Variants in MYOCD observed in about 807,000 individuals in gnomAD.
The protein encoded by MYOCD is myocardin.
Under a neutral mutation model 96.1 loss-of-function variants are expected in MYOCD, and 32 were observed. That is an observed-to-expected ratio of 0.33 (90% CI 0.25 to 0.45). The LOEUF (loss-of-function observed/expected upper bound fraction) is 0.45. Among genes scored for constraint, MYOCD ranks in the 20% least tolerant of loss-of-function variants. The pLI is 1.00. For synonymous variants in MYOCD, 469 were observed against 469.0 expected (o/e 1.00, Z 0.00); for missense variants, 1,133 against 1,200.6 (o/e 0.94, Z 0.83).
Position 12,763,085 on chromosome 17 carries a change from A to G in MYOCD, c.2402A>G (p.Asp801Gly), listed in dbSNP as rs374301549. ...VLIESGEMPA[D>G]AREDHSCLQK... Reference sequence around the variant, plus strand: ...GTATTGCCCACAGAAATGCCAGCAGACGCTAGAGAGGATCACTCATGTCTT... The same window carrying G: ...GTATTGCCCACAGAAATGCCAGCAGGCGCTAGAGAGGATCACTCATGTCTT... The change falls in exon 14 of 14, where the codon GAC (aspartate) becomes GGC (glycine). Residue 801 changes from aspartate to glycine, a missense_variant. Transcript: ENST00000425538. The G allele has an allele frequency of 3.2e-5, 51 of 1,605,582 alleles. No individual in the cohort carries two copies. Among genetic ancestry groups the G allele is most frequent in the Non-Finnish European group, 3.9e-5 (46 of 1,176,948 alleles).
chr17:12,715,487 C>G (rs1244521311), intron 2 of MYOCD, 32 bp from the exon 3 acceptor site: 10 of 1,604,054 alleles, frequency 6.2e-6, no homozygotes, highest in Non-Finnish European at 8.5e-6. Context: ...CTTAACCCAG[C>G]CTCCACTCAC....
intron 1 of MYOCD, among the ~76,000 whole-genome samples, chr17:12,697,967 G>A (rs116297410): frequency 0.011 from 1,737 of 152,168 alleles, 27 homozygotes; most frequent in African/African-American, 0.039. Flanking sequence ...ACCAAATTCC[G>A]TATGCAGGGA....
intron 2 of MYOCD, among the ~76,000 whole-genome samples, chr17:12,715,182 C>G (rs1359914335): frequency 1.3e-5 from 2 of 152,176 alleles, no homozygotes; most frequent in Non-Finnish European, 2.9e-5. Flanking sequence ...AAGTCTACAC[C>G]TCTCCCTCAA....
chr17:12,743,004 ATCTTTTATAG>A (rs2032558439), intron 7 of MYOCD, among the ~76,000 whole-genome samples: 1 of 152,160 alleles, frequency 6.6e-6, no homozygotes, highest in Admixed American at 6.5e-5. Context: ...TTTCAATATT[ATCTTTTATAG>A]TCTTTATATT....
At chr17:12,689,031 A>G (rs1286316254) in intron 1 of MYOCD, among the ~76,000 whole-genome samples, 2 of 152,214 alleles carry the variant, frequency 1.3e-5, no homozygotes, top group Non-Finnish European at 2.9e-5. Context: ...AAATTAAAAA[A>G]TAAACTTTGT....
intron 1 of MYOCD, 21 bp from the exon 2 acceptor site, chr17:12,705,107 A>G: frequency 1.3e-6 from 2 of 1,581,328 alleles, no homozygotes; most frequent in Non-Finnish European, 8.7e-7. Context: ...CAACTCACAA[A>G]CTAACACTCC....
At chr17:12,742,919 C>T (rs1331160877) in intron 7 of MYOCD, among the ~76,000 whole-genome samples, 1 of 152,090 alleles carries the variant, frequency 6.6e-6, no homozygotes, top group Non-Finnish European at 1.5e-5. Flanking sequence ...CCCATTCCTT[C>T]CTAATATACA....
chr17:12,693,569 C>T (rs2030574096), intron 1 of MYOCD, among the ~76,000 whole-genome samples: 1 of 150,538 alleles, frequency 6.6e-6, no homozygotes, highest in Non-Finnish European at 1.5e-5. Flanking sequence ...AAGATTGTGC[C>T]ATTGCATTCC....
chr17:12,756,656 A>G (rs1174354194), intron 11 of MYOCD, 99 bp downstream of exon 11: 6 of 915,840 alleles, frequency 6.6e-6, no homozygotes, highest in Admixed American at 6.0e-5. Context: ...AGATCGCACC[A>G]CTGCACTCCA....
intron 7 of MYOCD, among the ~76,000 whole-genome samples, chr17:12,741,456 C>T (rs2032505312): frequency 6.6e-6 from 1 of 152,096 alleles, no homozygotes; most frequent in Admixed American, 6.6e-5. Flanking sequence ...GCCTGTAATC[C>T]CAGCACTTTG....
intron 1 of MYOCD, among the ~76,000 whole-genome samples, chr17:12,674,078 C>A (rs1187390343): frequency 6.6e-6 from 1 of 152,122 alleles, no homozygotes; most frequent in Non-Finnish European, 1.5e-5. Flanking sequence ...TCTGTGGGCA[C>A]CTTTATCATC....
intron 3 of MYOCD, 82 bp downstream of exon 3, chr17:12,715,656 G>A: frequency 9.2e-7 from 1 of 1,091,622 alleles, no homozygotes; most frequent in Non-Finnish European, 1.4e-6. Context: ...GATGCGTGTA[G>A]AATTCCTACA....
At chr17:12,759,384 T>A (rs1213621927) in intron 12 of MYOCD, among the ~76,000 whole-genome samples, 3 of 152,334 alleles carry the variant, frequency 2.0e-5, no homozygotes, top group Admixed American at 2.0e-4. Flanking sequence ...ACAGCTATGC[T>A]CTGCTCTCTG....
chr17:12,704,860 G>A, intron 1 of MYOCD: 1 of 393,962 alleles, frequency 2.5e-6, no homozygotes, highest in Non-Finnish European at 4.6e-6. Context: ...GAGAGAGAGA[G>A]CATGGCACTG....
At chr17:12,743,251 G>C (rs2032564375) in intron 7 of MYOCD, among the ~76,000 whole-genome samples, 1 of 152,042 alleles carries the variant, frequency 6.6e-6, no homozygotes, top group Admixed American at 6.6e-5. Context: ...AATAAGTAAA[G>C]TGTCCTTATT....
intron 1 of MYOCD, among the ~76,000 whole-genome samples, chr17:12,674,349 T>C (rs2150630390): frequency 6.6e-6 from 1 of 152,342 alleles, no homozygotes; most frequent in South Asian, 2.1e-4. Context: ...ACTGCTATCG[T>C]CCTTGATTTC....
Position 12,753,328 on chromosome 17 carries a change from C to T in MYOCD, c.2040C>T (p.Ser680=). 1 of 1,603,358 alleles carries T rather than the reference C, an allele frequency of 6.2e-7. No individual in the cohort carries two copies. Among genetic ancestry groups the T allele is most frequent in the Non-Finnish European group, 8.5e-7 (1 of 1,174,838 alleles). ...ACAGGGTCTCCTCGCCCATCAGCAG[C>T]CAGGTGTGCACTGCACAGGTAAGAG... ...EGHRVSSPIS[S]QVCTAQNSGA... is the part of the protein sequence containing the mutation. Residue 680 remains serine, a synonymous_variant, in exon 10 of 14, where the codon AGC becomes AGT. Coordinates refer to ENST00000425538, the MANE Select transcript of MYOCD (RefSeq NM_001146312.3).
rs546639363 is a variant in MYOCD at position 12,748,084 on chromosome 17, C to T, written c.1125+2012C>T. ...GGCTGAGGCGGGAGAATCGCTTGAACCCGGGAGGTGGAGGTTGCAGTGAGC... is the reference window on the plus strand; with the variant it reads ...GGCTGAGGCGGGAGAATCGCTTGAATCCGGGAGGTGGAGGTTGCAGTGAGC... On this transcript the variant is annotated intron_variant, in intron 9 of 13. Coordinates refer to ENST00000425538, the MANE Select transcript of MYOCD (RefSeq NM_001146312.3). Among the ~76,000 whole-genome samples, 208 of 148,444 alleles carry T rather than the reference C, an allele frequency of 1.4e-3. 1 individual carries two copies. The highest frequency in any genetic ancestry group is 4.9e-3 in the African/African-American group (200 of 40,538).
At chr17:12,708,764 C>A (rs2031386146) in intron 2 of MYOCD, among the ~76,000 whole-genome samples, 2 of 152,110 alleles carry the variant, frequency 1.3e-5, no homozygotes, top group Non-Finnish European at 2.9e-5. Context: ...TAGGTTAAAT[C>A]TTCAGGGCTT....
Sources: gnomAD v4.1 joint callset for allele counts (sites outside exome capture counted in the v4.1 genomes callset) on GRCh38, gnomAD v4.1.1 for gene constraint, MANE v1.5 for transcripts, NCBI Gene and HGNC (gene_info 2026-07-23, HGNC 2026-07-21) for gene names.